The following CTNNA2 variants were observed in gnomAD, a reference collection of about 807,000 sequenced individuals.
CTNNA2 encodes catenin alpha-2.
Under a neutral mutation model 101.0 loss-of-function variants are expected in CTNNA2, and 42 were observed. The ratio of observed to expected loss-of-function variants is 0.42; its 90% CI spans 0.32 to 0.54. CTNNA2 has a LOEUF of 0.54. CTNNA2 is among the 20% of genes least tolerant of loss of function. The pLI is 0.14. For synonymous variants in CTNNA2, 450 were observed against 456.4 expected (o/e 0.99, Z 0.18); for missense variants, 871 against 1,223.1 (o/e 0.71, Z 4.29).
chr2:79,212,705 C>CT (rs70940024), intron 2 of CTNNA2, among the ~76,000 whole-genome samples: 122,537 of 152,012 alleles, frequency 0.81, 49,853 homozygotes, highest in East Asian at 0.99. Flanking sequence ...CCGCGGTGGC[C>CT]TCTCAGACCC....
chr2:79,384,442 T>C (rs1678075614), intron 4 of CTNNA2, among the ~76,000 whole-genome samples: 3 of 130,610 alleles, frequency 2.3e-5, no homozygotes, highest in South Asian at 5.2e-4. Flanking sequence ...CTCACTTTAT[T>C]CCAAAGTAAG....
At chr2:80,439,947 C>G (rs1052425404) in intron 9 of CTNNA2, among the ~76,000 whole-genome samples, 2 of 152,244 alleles carry the variant, frequency 1.3e-5, no homozygotes, top group Admixed American at 6.5e-5. Context: ...AAACAGAGAT[C>G]TCTACTCTTG....
At chr2:79,652,894 C>T (rs1681359912) in intron 2 of CTNNA2, among the ~76,000 whole-genome samples, 1 of 152,142 alleles carries the variant, frequency 6.6e-6, no homozygotes, top group African/African-American at 2.4e-5. Context: ...ATTTCATCAG[C>T]TTAAAAGTCC....
intron 2 of CTNNA2, among the ~76,000 whole-genome samples, chr2:79,287,786 C>G (rs916827180): frequency 6.6e-6 from 1 of 152,228 alleles, no homozygotes; most frequent in Non-Finnish European, 1.5e-5. Flanking sequence ...CCAGTTCCAG[C>G]TTCCCGGCTG....
At position 79,998,103 on chromosome 2, in the gene CTNNA2, G is replaced by A. The variant is rs182395156; in HGVS notation, c.1056+88306G>A. 2.1e-3 allele frequency among the ~76,000 whole-genome samples: 320 copies of A among 152,254 alleles called. 1 individual carries two copies. Among genetic ancestry groups the A allele is most frequent in the African/African-American group, 7.2e-3 (300 of 41,560 alleles). ...CTGATTACATCACTTGCTACATTAA[G>A]TTCATTAGGAATATTAGGCAATGAA... On this transcript the variant is annotated intron_variant, in intron 7 of 18. Transcript: ENST00000402739.
At chr2:80,250,204 A>AGAGAGAGAGTGT (rs1553476557) in intron 7 of CTNNA2, among the ~76,000 whole-genome samples, 1 of 96,392 alleles carries the variant, frequency 1.0e-5, no homozygotes, top group African/African-American at 3.0e-5. Context: ...AGAGAGAGAG[A>AGAGAGAGAGTGT]GTGTGTGTGT....
chr2:79,841,735 A>C (rs1679833428), intron 3 of CTNNA2, among the ~76,000 whole-genome samples: 1 of 152,238 alleles, frequency 6.6e-6, no homozygotes, highest in African/African-American at 2.4e-5. Context: ...ATGAAGAAAC[A>C]TTAACTGGGA....
chr2:79,700,057 T>C (rs1207826875), intron 2 of CTNNA2, among the ~76,000 whole-genome samples: 1 of 151,616 alleles, frequency 6.6e-6, no homozygotes, highest in Non-Finnish European at 1.5e-5. Context: ...TGTTACATAG[T>C]AAGGAGAATG....
At chr2:79,710,202 T>C (rs1246529529) in intron 2 of CTNNA2, among the ~76,000 whole-genome samples, 1 of 151,698 alleles carries the variant, frequency 6.6e-6, no homozygotes, top group Non-Finnish European at 1.5e-5. Context: ...TAAACCATTA[T>C]TAAAAAAAAA....
At chr2:79,458,966 A>T (rs1055797417) in intron 4 of CTNNA2, among the ~76,000 whole-genome samples, 3 of 151,782 alleles carry the variant, frequency 2.0e-5, no homozygotes, top group Non-Finnish European at 4.4e-5. Context: ...CTATCCTGAC[A>T]CTCCAATTCT....
intron 7 of CTNNA2, among the ~76,000 whole-genome samples, chr2:80,392,810 C>A (rs951298370): frequency 1.3e-5 from 2 of 152,066 alleles, no homozygotes; most frequent in Admixed American, 1.3e-4. Context: ...AAATCTTTTT[C>A]GATTTAGTTT....
chr2:79,536,650 C>T (rs1009605627), intron 1 of CTNNA2, among the ~76,000 whole-genome samples: 1 of 149,344 alleles, frequency 6.7e-6, no homozygotes, highest in Admixed American at 6.7e-5. Flanking sequence ...GAGCTCATCC[C>T]CTACTCTACT....
intron 7 of CTNNA2, among the ~76,000 whole-genome samples, chr2:80,310,117 C>G (rs1290639772): frequency 6.6e-6 from 1 of 152,054 alleles, no homozygotes; most frequent in Non-Finnish European, 1.5e-5. Context: ...AAATAAAAAC[C>G]CAGATATCAT....
intron 1 of CTNNA2, among the ~76,000 whole-genome samples, chr2:79,621,824 T>C (rs1573498333): frequency 6.6e-6 from 1 of 152,164 alleles, no homozygotes; most frequent in East Asian, 1.9e-4. Flanking sequence ...GTTTATGTGA[T>C]GATGAGAATG....
chr2:80,461,623 T>A (rs1163118441), intron 9 of CTNNA2, among the ~76,000 whole-genome samples: 1 of 152,256 alleles, frequency 6.6e-6, no homozygotes, highest in East Asian at 1.9e-4. Context: ...GTGCAATAAA[T>A]GTCCTTATAC....
At chr2:79,730,826 A>G (rs1003417243) in intron 2 of CTNNA2, among the ~76,000 whole-genome samples, 1 of 152,072 alleles carries the variant, frequency 6.6e-6, no homozygotes, top group African/African-American at 2.4e-5. Flanking sequence ...TTCATGCTAC[A>G]GAGAGAGAGA....
chr2:80,551,034 C>G (rs1029411371), intron 11 of CTNNA2, among the ~76,000 whole-genome samples: 2 of 152,134 alleles, frequency 1.3e-5, no homozygotes. Flanking sequence ...CAAAATGACT[C>G]CTTGATACAT....
At chr2:79,632,607 A>G (rs1413695700) in intron 1 of CTNNA2, among the ~76,000 whole-genome samples, 1 of 152,226 alleles carries the variant, frequency 6.6e-6, no homozygotes, top group Non-Finnish European at 1.5e-5. Flanking sequence ...ATGGGTTATT[A>G]TATTGATGGT....
chr2:79,973,190 T>A (rs781549974), intron 7 of CTNNA2, among the ~76,000 whole-genome samples: 2 of 152,016 alleles, frequency 1.3e-5, no homozygotes, highest in Non-Finnish European at 2.9e-5. Context: ...AAATCAGATA[T>A]TTTAATTTCC....
Sources: gnomAD v4.1 joint callset for allele counts (sites outside exome capture counted in the v4.1 genomes callset) on GRCh38, gnomAD v4.1.1 for gene constraint, MANE v1.5 for transcripts, NCBI Gene and HGNC (gene_info 2026-07-23, HGNC 2026-07-21) for gene names.